The following OVCH1 variants were observed in gnomAD, a reference collection of about 807,000 sequenced individuals.
The protein encoded by OVCH1 is ovochymase-1.
A neutral mutation model predicts 138.4 loss-of-function variants in OVCH1; 139 were observed. The observed-to-expected ratio is 1.00, with a 90% CI of 0.87 to 1.16. OVCH1 has a LOEUF of 1.16. Ranked by LOEUF, OVCH1 falls within the 50% of genes most tolerant of loss-of-function variation. The pLI, the probability that OVCH1 is intolerant of heterozygous loss-of-function variation, is 0.00. For missense variants in OVCH1, 1,367 were observed against 1,357.9 expected, an observed-to-expected ratio of 1.01 and a Z score of -0.11; for synonymous variants, 453 against 467.8, an observed-to-expected ratio of 0.97 and a Z score of 0.41.
intron 8 of OVCH1, among the ~76,000 whole-genome samples, chr12:29,480,270 A>G (rs1942887720): frequency 6.6e-6 from 1 of 152,168 alleles, no homozygotes; most frequent in Non-Finnish European, 1.5e-5. Flanking sequence ...GATTAATTAC[A>G]TCTCTCTGAG....
At chr12:29,455,462 T>A (rs1941922023) in intron 19 of OVCH1, 57 bp from the exon 20 acceptor site, 2 of 1,521,766 alleles carry the variant, frequency 1.3e-6, no homozygotes, top group Admixed American at 4.4e-5. Flanking sequence ...GCTCCTGCTT[T>A]CAGTTTTTAG....
chr12:29,413,669 T>G lies in OVCH1; in HGVS notation c.*72-944A>C, dbSNP rs10843415. On this transcript the variant is annotated intron_variant and NMD_transcript_variant, in intron 3 of 4. Coordinates refer to the OVCH1 transcript ENST00000539117. Reference sequence around the variant, plus strand: ...TATGTGTCTGTGTGTATTACACACATACACACACACACACACACACATTGG... The same window carrying G: ...TATGTGTCTGTGTGTATTACACACAGACACACACACACACACACACATTGG... 4.6e-5 allele frequency among the ~76,000 whole-genome samples: 7 copies of G among 150,926 alleles called. No individual in the cohort carries two copies. In the East Asian group the frequency reaches 5.9e-4, roughly 13 times the overall value.
chr12:29,469,531 A>G (rs908413421), intron 16 of OVCH1, among the ~76,000 whole-genome samples: 13 of 152,094 alleles, frequency 8.5e-5, no homozygotes, highest in Admixed American at 7.9e-4. Context: ...ACATCTGAGC[A>G]ACAGAAAGAC....
intron 25 of OVCH1, among the ~76,000 whole-genome samples, chr12:29,441,125 C>T (rs2135918994): frequency 6.6e-6 from 1 of 152,258 alleles, no homozygotes; most frequent in African/African-American, 2.4e-5. Flanking sequence ...TGGTTGACCA[C>T]CCAAAATCCT....
rs547312474 is a variant in OVCH1 at position 29,442,667 on chromosome 12, G to A, written c.3157+694C>T. ...TAAAAAAAAGAAATTTTATGATGGG[G>A]AAACTTCTACACAATTGTAATACCA... On this transcript the variant is annotated intron_variant, in intron 25 of 27. Transcript: ENST00000318184. 6.3e-3 allele frequency among the ~76,000 whole-genome samples: 950 copies of A among 151,594 alleles called. 5 individuals are homozygous for A. The highest frequency in any genetic ancestry group is 0.022 in the African/African-American group (905 of 41,420).
chr12:29,433,027 A>G (rs1354962674), intron 27 of OVCH1, among the ~76,000 whole-genome samples: 3 of 152,232 alleles, frequency 2.0e-5, no homozygotes, highest in Admixed American at 6.5e-5. Context: ...GACAGTGAGT[A>G]TAAATAACTT....
rs565695003 is a variant in OVCH1 at position 29,438,052 on chromosome 12, A to G, written c.3264+1276T>C. The stretch of plus-strand genomic sequence containing the variant: ...TTAGTTTTGTTTCTGTGGATGCAGA[A>G]GAGTTTTTAATTACACAGGAACTTA... On this transcript the variant is annotated intron_variant, in intron 26 of 27. Coordinates refer to ENST00000318184, the Ensembl canonical transcript of OVCH1. Among the ~76,000 whole-genome samples, 18 of 152,314 alleles carry G rather than the reference A, an allele frequency of 1.2e-4. No individual in the cohort carries two copies. The South Asian group carries it at 3.5e-3, about 30-fold the overall frequency.
intron 16 of OVCH1, among the ~76,000 whole-genome samples, chr12:29,468,072 CTATAAT>C (rs796856014): frequency 5.4e-4 from 82 of 152,218 alleles, no homozygotes; most frequent in African/African-American, 1.9e-3. Flanking sequence ...TACCATACCA[CTATAAT>C]TATAAGATAT....
chr12:29,423,197 C>T, downstream of OVCH1: 1 of 455,030 alleles, frequency 2.2e-6, no homozygotes, highest in South Asian at 1.6e-5. Context: ...CTAAAATAAG[C>T]TTAAAACCTC....
intron 22 of OVCH1, among the ~76,000 whole-genome samples, chr12:29,449,384 T>C (rs1941713975): frequency 6.6e-6 from 1 of 152,058 alleles, no homozygotes; most frequent in Non-Finnish European, 1.5e-5. Flanking sequence ...ATTTTTTTTT[T>C]CTAATTCTGT....
intron 19 of OVCH1, among the ~76,000 whole-genome samples, chr12:29,458,590 G>A (rs1016494419): frequency 2.0e-5 from 3 of 152,092 alleles, no homozygotes; most frequent in South Asian, 2.1e-4. Context: ...ACTGGACAAA[G>A]ATTTCTTTAG....
chr12:29,436,460 ATAT>A (rs1941361649), intron 26 of OVCH1, among the ~76,000 whole-genome samples: 4 of 152,274 alleles, frequency 2.6e-5, no homozygotes, highest in East Asian at 3.9e-4. Context: ...AAAAGGCCAA[ATAT>A]TATATTTTTT....
chr12:29,473,166 G>T (rs1942575517), intron 14 of OVCH1, 63 bp from the exon 15 acceptor site: 1 of 1,160,620 alleles, frequency 8.6e-7, no homozygotes, highest in East Asian at 2.6e-5. Flanking sequence ...GACCCCACTT[G>T]CTTACCCTGG....
intron 26 of OVCH1, chr12:29,433,824 G>A (rs1257951571): frequency 1.5e-6 from 2 of 1,375,722 alleles, no homozygotes; most frequent in African/African-American, 1.5e-5. Flanking sequence ...CTAAAATTAA[G>A]TAAAATGTTT....
At chr12:29,476,172 A>G (rs1942705579) in intron 13 of OVCH1, 34 bp downstream of exon 13, 1 of 1,549,828 alleles carries the variant, frequency 6.5e-7, no homozygotes, top group Non-Finnish European at 8.9e-7. Context: ...GATTCGTCTA[A>G]CACTTTCATA....
At chr12:29,477,284 T>C (rs1322569982) in intron 11 of OVCH1, 52 bp from the exon 12 acceptor site, 56 of 1,613,042 alleles carry the variant, frequency 3.5e-5, no homozygotes, top group Non-Finnish European at 4.7e-5. Context: ...CATTTTCTCC[T>C]CTTCCCCACC....
intron 27 of OVCH1, among the ~76,000 whole-genome samples, chr12:29,430,236 A>G (rs1941245748): frequency 6.8e-6 from 1 of 146,006 alleles, no homozygotes; most frequent in Non-Finnish European, 1.5e-5. Flanking sequence ...TGCATAAAAC[A>G]TAACTTCAAT....
intron 21 of OVCH1, among the ~76,000 whole-genome samples, chr12:29,452,297 TGAG>T (rs2135945796): frequency 6.6e-6 from 1 of 152,286 alleles, no homozygotes; most frequent in East Asian, 1.9e-4. Context: ...ATACTGTACC[TGAG>T]GAGGAGGTAC....
downstream of OVCH1, among the ~76,000 whole-genome samples, chr12:29,410,937 T>G: frequency 6.6e-6 from 1 of 152,086 alleles, no homozygotes; most frequent in East Asian, 1.9e-4. Context: ...CCCCGTCACC[T>G]TCAGGTACAC....
Sources: gnomAD v4.1 joint callset for allele counts (sites outside exome capture counted in the v4.1 genomes callset) on GRCh38, gnomAD v4.1.1 for gene constraint, MANE v1.5 for transcripts, NCBI Gene and HGNC (gene_info 2026-07-23, HGNC 2026-07-21) for gene names.